Variants in SEC23A observed in about 807,000 individuals in gnomAD.
SEC23A encodes protein transport protein Sec23A.
SEC23A carries 56 observed loss-of-function variants against 103.7 expected under a neutral mutation model. The observed-to-expected ratio is 0.54, with a 90% CI of 0.44 to 0.67. SEC23A has a LOEUF of 0.67. Ranked by LOEUF, SEC23A falls within the 30% of genes least tolerant of loss-of-function variation. The probability of loss-of-function intolerance (pLI) is 0.00; values close to 1 mark genes in which losing one functional copy is unlikely to be tolerated. For synonymous variants in SEC23A, 281 were observed against 293.0 expected (o/e 0.96, Z 0.42); for missense variants, 784 against 936.4 (o/e 0.84, Z 2.12).
intron 13 of SEC23A, among the ~76,000 whole-genome samples, chr14:39,061,293 A>C (rs1274455662): frequency 6.6e-6 from 1 of 152,138 alleles, no homozygotes. Flanking sequence ...TTCCGCATTC[A>C]TACTCTCCTA....
At position 39,095,937 on chromosome 14, in the gene SEC23A, C is replaced by A; in HGVS notation, c.182G>T (p.Cys61Phe). 6.2e-7 allele frequency: 1 copy of A among 1,614,150 alleles called. No homozygotes were observed. The highest frequency in any genetic ancestry group is 1.1e-5 in the South Asian group (1 of 91,088). The stretch of plus-strand genomic sequence containing the variant: ...AACTGCACGGCAAGTGGTCCTACTA[C>A]ACAGAACAGGTTCATATTGAATAGG... ...LPPIQYEPVL[C>F]SRTTCRAVLN... The change falls in exon 2 of 20, where the codon TGT becomes TTT. Residue 61 changes from cysteine to phenylalanine, a missense_variant. Transcript: ENST00000307712.
At chr14:39,038,849 A>G (rs971740135) in intron 19 of SEC23A, among the ~76,000 whole-genome samples, 182 bp downstream of exon 19, 3 of 152,134 alleles carry the variant, frequency 2.0e-5, no homozygotes, top group Non-Finnish European at 4.4e-5. Flanking sequence ...AGTCTATTTG[A>G]TAGGATCACT....
chr14:39,089,181 A>C (rs1480921564), intron 5 of SEC23A, among the ~76,000 whole-genome samples: 2 of 151,012 alleles, frequency 1.3e-5, no homozygotes, highest in African/African-American at 4.8e-5. Context: ...AAAAAAAAAA[A>C]AGAAAAAAAA....
At chr14:39,075,639 TA>T (rs1280666836) in intron 8 of SEC23A, among the ~76,000 whole-genome samples, 1 of 152,190 alleles carries the variant, frequency 6.6e-6, no homozygotes, top group Non-Finnish European at 1.5e-5. Flanking sequence ...CAACTTTTCC[TA>T]AACAGAAAGG....
chr14:39,054,271 T>G (rs909900691), intron 14 of SEC23A, among the ~76,000 whole-genome samples: 1 of 149,742 alleles, frequency 6.7e-6, no homozygotes, highest in Non-Finnish European at 1.5e-5. Context: ...TGAGACCCTG[T>G]CTCAAAAAAA....
At position 39,077,227 on chromosome 14, in the gene SEC23A, C is replaced by CAAAAAAAAA. The variant is rs57549556; in HGVS notation, c.829-1143_829-1135dup. Among the ~76,000 whole-genome samples the CAAAAAAAAA allele has an allele frequency of 1.4e-3, 52 of 36,468 alleles. 1 individual carries two copies. Among genetic ancestry groups the CAAAAAAAAA allele is most frequent in the African/African-American group, 3.2e-3 (25 of 7,812 alleles). The allele number at this position is 36,468 out of a possible 152,430, so 23.9% of individuals were successfully genotyped here. On this transcript the variant is annotated intron_variant, in intron 7 of 19. Transcript: ENST00000307712. ...TGGGCAATGGAGCAAGACTCCATCT[C>CAAAAAAAAA]AAAAAAAAAAAAAAAAAAAAAAAAA...
chr14:39,085,682 T>TTATA (rs141614689), intron 7 of SEC23A, 80 bp downstream of exon 7: 56 of 1,148,934 alleles, frequency 4.9e-5, no homozygotes, highest in East Asian at 1.5e-4. Flanking sequence ...ATCCTTATAA[T>TTATA]TATATATACA....
intron 2 of SEC23A, 33 bp downstream of exon 2, chr14:39,095,865 T>A (rs1245423585): frequency 1.4e-6 from 2 of 1,439,350 alleles, no homozygotes; most frequent in Non-Finnish European, 2.0e-6. Context: ...AAAATCACAT[T>A]GCCACATTAG....
intron 7 of SEC23A, among the ~76,000 whole-genome samples, chr14:39,076,552 G>A (rs8007240): frequency 0.28 from 41,514 of 150,582 alleles, 6,650 homozygotes; most frequent in Non-Finnish European, 0.35. Context: ...AGAAGCACAC[G>A]CCACTGCACC....
intron 13 of SEC23A, among the ~76,000 whole-genome samples, chr14:39,059,301 AAAAAAAAAAC>A (rs1566491581): frequency 9.7e-6 from 1 of 103,356 alleles, no homozygotes; most frequent in South Asian, 3.0e-4. Context: ...AAAAAAAAAA[AAAAAAAAAAC>A]AACAAGGTGC....
At chr14:39,034,054 T>C (rs1167902184) in intron 19 of SEC23A, among the ~76,000 whole-genome samples, 2 of 152,244 alleles carry the variant, frequency 1.3e-5, no homozygotes, top group Non-Finnish European at 2.9e-5. Context: ...ATAGCTCCTG[T>C]GATTCTAGTC....
chr14:39,085,716 ACACACACACAC>A, intron 7 of SEC23A, 35 bp downstream of exon 7: 1 of 1,597,748 alleles, frequency 6.3e-7, no homozygotes, highest in Non-Finnish European at 8.6e-7. Flanking sequence ...ACACACACAC[ACACACACACAC>A]ACTTTACATT....
chr14:39,077,777 A>G (rs1249715513), intron 7 of SEC23A, among the ~76,000 whole-genome samples: 1 of 151,840 alleles, frequency 6.6e-6, no homozygotes, highest in African/African-American at 2.4e-5. Flanking sequence ...TTAAAAAAAT[A>G]CAAAAATTAG....
intron 7 of SEC23A, among the ~76,000 whole-genome samples, chr14:39,077,227 C>CA (rs57549556): frequency 0.2 from 7,327 of 36,290 alleles, 1,518 homozygotes; most frequent in East Asian, 0.27. Context: ...GACTCCATCT[C>CA]AAAAAAAAAA....
intron 2 of SEC23A, chr14:39,094,817 T>C (rs1887831325): frequency 3.5e-6 from 2 of 578,514 alleles, no homozygotes; most frequent in South Asian, 4.5e-5. Flanking sequence ...AGGGTTAAGG[T>C]ATTATGTAGA....
chr14:39,076,450 T>TA (rs1405339581), intron 7 of SEC23A, among the ~76,000 whole-genome samples: 5 of 149,992 alleles, frequency 3.3e-5, no homozygotes, highest in South Asian at 4.2e-4. Flanking sequence ...TTTTTTTTTT[T>TA]AGAGACAAGG....
At chr14:39,048,761 T>C in intron 14 of SEC23A, 32 bp from the exon 15 acceptor site, 1 of 1,212,832 alleles carries the variant, frequency 8.2e-7, no homozygotes. Flanking sequence ...AGTAATTTAT[T>C]TCCTGGAATA....
chr14:39,073,676 C>T (rs1886915812), intron 9 of SEC23A, among the ~76,000 whole-genome samples: 1 of 129,192 alleles, frequency 7.7e-6, no homozygotes, highest in South Asian at 2.6e-4. Context: ...GTGGCATGAT[C>T]TCAGCTCACT....
At chr14:39,084,404 C>T (rs188204298) in intron 7 of SEC23A, among the ~76,000 whole-genome samples, 2 of 152,298 alleles carry the variant, frequency 1.3e-5, no homozygotes, top group African/African-American at 4.8e-5. Flanking sequence ...TATTGTATCA[C>T]TGTTAACATC....
Sources: allele counts gnomAD v4.1 joint callset (sites outside exome capture counted in the v4.1 genomes callset), GRCh38; gene constraint gnomAD v4.1.1; transcripts MANE v1.5; gene names NCBI Gene and HGNC (gene_info 2026-07-23, HGNC 2026-07-21).